The following RBFOX3 variants were observed in gnomAD, a reference collection of about 807,000 sequenced individuals.
The protein encoded by RBFOX3 is RNA binding fox-1 homolog 3.
Under a neutral mutation model 48.7 loss-of-function variants are expected in RBFOX3, and 17 were observed. That is an observed-to-expected ratio of 0.35 (90% CI 0.24 to 0.52). The LOEUF (loss-of-function observed/expected upper bound fraction) is 0.52, where lower values mean the gene tolerates loss of function less well. Ranked by LOEUF, RBFOX3 falls within the 20% of genes least tolerant of loss-of-function variation. The pLI is 0.94. For missense variants in RBFOX3, 382 were observed against 497.5 expected, an observed-to-expected ratio of 0.77 and a Z score of 2.21; for synonymous variants, 212 against 209.5, an observed-to-expected ratio of 1.01 and a Z score of -0.10.
chr17:79,371,830 G>A (rs755046914), intron 2 of RBFOX3, among the ~76,000 whole-genome samples: 1 of 152,206 alleles, frequency 6.6e-6, no homozygotes, highest in Non-Finnish European at 1.5e-5. Context: ...CTGGCATGGT[G>A]AGAAGCGTGT....
intron 1 of RBFOX3, among the ~76,000 whole-genome samples, chr17:79,586,746 C>T (rs917084546): frequency 6.6e-6 from 1 of 152,180 alleles, no homozygotes; most frequent in South Asian, 2.1e-4. Flanking sequence ...CATCCTCTCC[C>T]GGGTTTCTCT....
intron 2 of RBFOX3, among the ~76,000 whole-genome samples, chr17:79,468,605 TAG>T (rs1233798848): frequency 6.7e-6 from 1 of 149,632 alleles, no homozygotes; most frequent in Non-Finnish European, 1.5e-5. Flanking sequence ...GATGGATGGA[TAG>T]ATAGATAGCA....
At position 79,395,913 on chromosome 17, in the gene RBFOX3, T is replaced by C. The variant is rs71387925; in HGVS notation, c.-175+86541A>G. On this transcript the variant is annotated intron_variant, in intron 2 of 14. Coordinates refer to ENST00000693108, the MANE Select transcript of RBFOX3 (RefSeq NM_001350451.2). ...TGCCAGCGGGGCTGCAGCTAGGCCATGGGGCATCCCTCACCCTTGGTCTGG... is the reference window on the plus strand; with the variant it reads ...TGCCAGCGGGGCTGCAGCTAGGCCACGGGGCATCCCTCACCCTTGGTCTGG... Among the ~76,000 whole-genome samples the C allele has an allele frequency of 5.7e-3, 868 of 152,302 alleles. 4 individuals are homozygous for C. The highest frequency in any genetic ancestry group is 0.037 in the Middle Eastern group (11 of 294).
At chr17:79,655,908 T>C in the RBFOX3 span, among the ~76,000 whole-genome samples, 1 of 152,202 alleles carries the variant, frequency 6.6e-6, no homozygotes, top group African/African-American at 2.4e-5. Context: ...GCCTGACCCA[T>C]CCAGCCCCTA....
At chr17:79,373,742 C>T (rs1395243226) in intron 2 of RBFOX3, among the ~76,000 whole-genome samples, 7 of 152,286 alleles carry the variant, frequency 4.6e-5, no homozygotes, top group Admixed American at 4.6e-4. Context: ...CTACCACCTG[C>T]CCAGCAAGTC....
At chr17:79,514,360 G>T (rs1344345243) in intron 1 of RBFOX3, among the ~76,000 whole-genome samples, 4 of 152,160 alleles carry the variant, frequency 2.6e-5, no homozygotes, top group African/African-American at 9.7e-5. Flanking sequence ...GCACTCCCTG[G>T]GCCCAGCACT....
intron 4 of RBFOX3, among the ~76,000 whole-genome samples, chr17:79,222,370 T>C (rs1191741322): frequency 6.6e-6 from 1 of 152,236 alleles, no homozygotes; most frequent in Non-Finnish European, 1.5e-5. Context: ...GCAGCCTCTG[T>C]GGGCTGCGTC....
intron 4 of RBFOX3, among the ~76,000 whole-genome samples, chr17:79,173,306 T>C (rs1175804889): frequency 6.6e-6 from 1 of 152,264 alleles, no homozygotes; most frequent in Admixed American, 6.5e-5. Flanking sequence ...ACAGCGTTGC[T>C]TTGGAGCCTT....
intron 11 of RBFOX3, 81 bp downstream of exon 11, chr17:79,097,211 G>A (rs903987706): frequency 6.4e-5 from 66 of 1,026,396 alleles, no homozygotes; most frequent in South Asian, 4.6e-5. Flanking sequence ...CTAGCCCCTC[G>A]CACTGCGCAG....
chr17:79,438,281 G>A (rs1012816666), intron 2 of RBFOX3, among the ~76,000 whole-genome samples: 6 of 152,212 alleles, frequency 3.9e-5, no homozygotes, highest in Non-Finnish European at 5.9e-5. Context: ...CACCGCTAGC[G>A]CTGGGTTCTA....
At chr17:79,173,555 T>A (rs369770637) in intron 4 of RBFOX3, among the ~76,000 whole-genome samples, 4 of 152,174 alleles carry the variant, frequency 2.6e-5, no homozygotes, top group East Asian at 3.9e-4. Context: ...TAAATGCCCC[T>A]GATGCCTTTA....
chr17:79,459,392 A>G (rs1461336982), intron 2 of RBFOX3, among the ~76,000 whole-genome samples: 13 of 152,072 alleles, frequency 8.5e-5, no homozygotes, highest in African/African-American at 3.1e-4. Context: ...CCAAGGCTGG[A>G]CTTCATTTTT....
intron 2 of RBFOX3, among the ~76,000 whole-genome samples, chr17:79,346,707 T>A (rs906569628): frequency 3.3e-5 from 5 of 152,202 alleles, no homozygotes; most frequent in African/African-American, 2.4e-5. Flanking sequence ...ATATAAAAAC[T>A]TCCTATTCAT....
intron 2 of RBFOX3, among the ~76,000 whole-genome samples, chr17:79,309,328 C>T (rs2076525138): frequency 6.6e-6 from 1 of 150,702 alleles, no homozygotes; most frequent in Non-Finnish European, 1.5e-5. Flanking sequence ...CCCTCCACCT[C>T]TCCTGAGCCT....
At chr17:79,185,903 G>A (rs934711954) in intron 4 of RBFOX3, among the ~76,000 whole-genome samples, 3 of 152,208 alleles carry the variant, frequency 2.0e-5, no homozygotes, top group South Asian at 2.1e-4. Context: ...TGAGCACACC[G>A]TCTAGTGGGG....
chr17:79,631,424 G>A, the RBFOX3 span, among the ~76,000 whole-genome samples: 1 of 152,104 alleles, frequency 6.6e-6, no homozygotes. Flanking sequence ...GGACCCAGAT[G>A]TGAATTTACA....
intron 2 of RBFOX3, among the ~76,000 whole-genome samples, chr17:79,456,527 G>T (rs869441): frequency 0.5 from 75,588 of 151,848 alleles, 20,182 homozygotes; most frequent in Non-Finnish European, 0.59. Flanking sequence ...CAGGCTTTGC[G>T]CTGGGTTCCC....
the RBFOX3 span, among the ~76,000 whole-genome samples, chr17:79,660,754 G>A: frequency 1.3e-5 from 2 of 152,148 alleles, no homozygotes; most frequent in African/African-American, 4.8e-5. Flanking sequence ...AGAAATACCA[G>A]TTGACCCAGC....
At chr17:79,157,164 G>C (rs868359930) in intron 4 of RBFOX3, among the ~76,000 whole-genome samples, 1 of 152,146 alleles carries the variant, frequency 6.6e-6, no homozygotes, top group Non-Finnish European at 1.5e-5. Context: ...TCTCCTTTGC[G>C]TGTCTCACTT....
Sources: allele counts gnomAD v4.1 joint callset (sites outside exome capture counted in the v4.1 genomes callset), GRCh38; gene constraint gnomAD v4.1.1; transcripts MANE v1.5; gene names NCBI Gene and HGNC (gene_info 2026-07-23, HGNC 2026-07-21).